Variants in ARMC9 observed in about 807,000 individuals in gnomAD.
ARMC9 encodes the protein lisH domain-containing protein ARMC9.
A neutral mutation model predicts 107.0 loss-of-function variants in ARMC9; 94 were observed. The observed-to-expected ratio is 0.88, with a 90% CI of 0.74 to 1.04. ARMC9 has a LOEUF of 1.04. Among genes scored for constraint, ARMC9 ranks in the 50% least tolerant of loss-of-function variants. The pLI is 0.00. For synonymous variants in ARMC9, 380 were observed against 396.9 expected (o/e 0.96, Z 0.51); for missense variants, 942 against 1,030.1 (o/e 0.91, Z 1.17).
At chr2:231,229,123 C>A (rs1186248809) in intron 7 of ARMC9, among the ~76,000 whole-genome samples, 1 of 151,910 alleles carries the variant, frequency 6.6e-6, no homozygotes, top group Non-Finnish European at 1.5e-5. Flanking sequence ...GGATTTGAGT[C>A]TGGCAAGCAA....
Position 231,206,243 on chromosome 2 carries a change from G to C in ARMC9, c.5G>C (p.Gly2Ala). 6.2e-7 allele frequency: 1 copy of C among 1,613,580 alleles called. No individual in the cohort carries two copies. Among genetic ancestry groups the C allele is most frequent in the Non-Finnish European group, 8.5e-7 (1 of 1,179,608 alleles). Residue 2 changes from glycine to alanine, a missense_variant, in exon 2 of 25, where the codon GGG becomes GCG. Transcript: ENST00000611582. ...AATTACCAGTAACAGTTCAATATGG[G>C]GGACATTCTGGCTCATGAATCTGAA... M[G>A]DILAHESELL...
rs565962777 is a variant in ARMC9, at chr2:231,276,902, T to C, written c.1474+127T>C. The C allele has an allele frequency of 9.9e-6, 13 of 1,314,156 alleles. No individual in the cohort carries two copies. The East Asian group carries it at 3.0e-4, about 30-fold the overall frequency. The allele number at this position is 1,314,156 out of a possible 1,614,324, so 81.4% of individuals were successfully genotyped here. On this transcript the variant is annotated intron_variant, in intron 15 of 24. Coordinates refer to ENST00000611582, the MANE Select transcript of ARMC9 (RefSeq NM_001352754.2). ...AGAAAACTAAAAACAGAAAAAGGAG[T>C]AGAAAGCATTTCCAACTAGGTATCA...
chr2:231,275,458 T>G (rs1003620580), intron 14 of ARMC9, among the ~76,000 whole-genome samples: 1 of 152,206 alleles, frequency 6.6e-6, no homozygotes, highest in Non-Finnish European at 1.5e-5. Context: ...TGATGGGGTA[T>G]TGGATTTTGT....
At chr2:231,302,918 C>T (rs1272359496) in intron 19 of ARMC9, among the ~76,000 whole-genome samples, 2 of 152,128 alleles carry the variant, frequency 1.3e-5, no homozygotes, top group African/African-American at 4.8e-5. Flanking sequence ...GTGGGAGAAT[C>T]GCCTGAACCC....
intron 22 of ARMC9, among the ~76,000 whole-genome samples, chr2:231,357,431 G>A (rs898600314): frequency 6.6e-6 from 1 of 152,124 alleles, no homozygotes; most frequent in African/African-American, 2.4e-5. Context: ...GCTCAGCCTG[G>A]CTGGGACCCA....
chr2:231,311,242 G>A (rs913801885), intron 19 of ARMC9, among the ~76,000 whole-genome samples: 1 of 152,212 alleles, frequency 6.6e-6, no homozygotes, highest in African/African-American at 2.4e-5. Context: ...AGCCGGCTGT[G>A]TGCTACTTTC....
At chr2:231,279,667 C>T (rs1276807758) in intron 16 of ARMC9, among the ~76,000 whole-genome samples, 1 of 151,900 alleles carries the variant, frequency 6.6e-6, no homozygotes, top group Non-Finnish European at 1.5e-5. Flanking sequence ...CCCGCCACTA[C>T]GTCTGGCTAA....
intron 12 of ARMC9, among the ~76,000 whole-genome samples, chr2:231,267,446 G>T (rs781010579): frequency 6.6e-6 from 1 of 152,138 alleles, no homozygotes; most frequent in African/African-American, 2.4e-5. Context: ...GGCCAGGCTG[G>T]TCTCAAACTC....
At chr2:231,239,006 A>C (rs1211508093) in intron 8 of ARMC9, among the ~76,000 whole-genome samples, 1 of 152,194 alleles carries the variant, frequency 6.6e-6, no homozygotes, top group Non-Finnish European at 1.5e-5. Context: ...GTGGGAGAGC[A>C]GCCGCTTCTA....
chr2:231,349,865 TAACTA>T (rs1349680602), intron 21 of ARMC9, among the ~76,000 whole-genome samples: 1 of 152,074 alleles, frequency 6.6e-6, no homozygotes, highest in Admixed American at 6.6e-5. Flanking sequence ...CATTTTAAAA[TAACTA>T]AAAGAGTATG....
At chr2:231,256,913 C>T (rs2037875945) in intron 10 of ARMC9, among the ~76,000 whole-genome samples, 1 of 152,216 alleles carries the variant, frequency 6.6e-6, no homozygotes. Context: ...AGAACCTCCG[C>T]CTCCTGGGTT....
intron 20 of ARMC9, among the ~76,000 whole-genome samples, chr2:231,343,239 A>T (rs543830729): frequency 1.3e-5 from 2 of 151,732 alleles, no homozygotes; most frequent in Non-Finnish European, 2.9e-5. Context: ...CCCACCTGTC[A>T]CTTCCCTGGC....
chr2:231,374,843 G>C lies in ARMC9; in HGVS notation c.*3308G>C, dbSNP rs1370223711. On this transcript the variant is annotated 3_prime_UTR_variant, in exon 25 of 25. Coordinates refer to ENST00000611582, the MANE Select transcript of ARMC9 (RefSeq NM_001352754.2). ...TATTACATCATGTGTCTTCATTACT[G>C]AGTTTTGGGGTAGCCCTTTAAATTT... The C allele has an allele frequency of 6.6e-6, 1 of 152,052 alleles. No individual in the cohort carries two copies. The highest frequency in any genetic ancestry group is 2.4e-5 in the African/African-American group (1 of 41,398). The allele number at this position is 152,052 out of a possible 1,614,324, so 9.4% of individuals were successfully genotyped here.
At chr2:231,201,038 C>T (rs2030848072) in intron 1 of ARMC9, among the ~76,000 whole-genome samples, 1 of 152,060 alleles carries the variant, frequency 6.6e-6, no homozygotes, top group South Asian at 2.1e-4. Context: ...TCGCTGTTGG[C>T]AGGGTCCAGT....
At chr2:231,311,549 C>T (rs1379976459) in intron 19 of ARMC9, among the ~76,000 whole-genome samples, 5 of 152,064 alleles carry the variant, frequency 3.3e-5, no homozygotes, top group Non-Finnish European at 7.4e-5. Context: ...GCAGGCGGAT[C>T]ACTTGAGGTC....
chr2:231,213,170 T>C (rs999551942), intron 3 of ARMC9, among the ~76,000 whole-genome samples: 12 of 151,756 alleles, frequency 7.9e-5, no homozygotes, highest in African/African-American at 2.4e-4. Flanking sequence ...TTTTCTTTTT[T>C]TTTTTTTTTC....
At chr2:231,248,458 T>C (rs2036973019) in intron 9 of ARMC9, among the ~76,000 whole-genome samples, 1 of 152,168 alleles carries the variant, frequency 6.6e-6, no homozygotes, top group South Asian at 2.1e-4. Context: ...AACACCGTTA[T>C]CACCTTAGGG....
chr2:231,200,370 C>T (rs1184523585), intron 1 of ARMC9, among the ~76,000 whole-genome samples: 1 of 152,168 alleles, frequency 6.6e-6, no homozygotes, highest in African/African-American at 2.4e-5. Flanking sequence ...AAATACAGCT[C>T]CCTGTCTTTG....
chr2:231,363,910 A>T (rs1040020534), intron 23 of ARMC9, among the ~76,000 whole-genome samples: 1 of 148,798 alleles, frequency 6.7e-6, no homozygotes, highest in Non-Finnish European at 1.5e-5. Context: ...AAAAAAAAAA[A>T]GCCCAGACCC....
Sources: gnomAD v4.1 joint callset for allele counts (sites outside exome capture counted in the v4.1 genomes callset) on GRCh38, gnomAD v4.1.1 for gene constraint, MANE v1.5 for transcripts, NCBI Gene and HGNC (gene_info 2026-07-23, HGNC 2026-07-21) for gene names.